The following CFAP221 variants were observed in gnomAD, a reference collection of about 807,000 sequenced individuals.
CFAP221 encodes the protein cilia and flagella associated protein 221, also known as cilia- and flagella-associated protein 221.
Under a neutral mutation model 113.1 loss-of-function variants are expected in CFAP221, and 97 were observed. The ratio of observed to expected loss-of-function variants is 0.86; its 90% CI spans 0.73 to 1.02. CFAP221 has a LOEUF of 1.02. Among genes scored for constraint, CFAP221 ranks in the 50% least tolerant of loss-of-function variants. The pLI, the probability that CFAP221 is intolerant of heterozygous loss-of-function variation, is 0.00. For synonymous variants in CFAP221, 331 were observed against 354.4 expected, an observed-to-expected ratio of 0.93 and a Z score of 0.74; for missense variants, 1,025 against 1,013.4, an observed-to-expected ratio of 1.01 and a Z score of -0.16.
intron 12 of CFAP221, among the ~76,000 whole-genome samples, chr2:119,611,172 T>C (rs1685131129): frequency 1.3e-5 from 2 of 152,186 alleles, no homozygotes; most frequent in African/African-American, 4.8e-5. Context: ...CTTAAAACTT[T>C]ACAGGGATGT....
intron 14 of CFAP221, among the ~76,000 whole-genome samples, chr2:119,620,619 A>G (rs888590198): frequency 6.6e-6 from 1 of 152,240 alleles, no homozygotes; most frequent in Non-Finnish European, 1.5e-5. Flanking sequence ...AAAATCCGGT[A>G]ACAGCCACTG....
chr2:119,638,472 AG>A (rs1203399537), intron 20 of CFAP221, 55 bp downstream of exon 20: 1 of 1,598,790 alleles, frequency 6.3e-7, no homozygotes, highest in African/African-American at 1.3e-5. Context: ...AGGGAGGGGC[AG>A]GGGACAAGGA....
Position 119,559,680 on chromosome 2 carries a change from C to G in CFAP221, c.241-9C>G. 1.3e-6 allele frequency: 2 copies of G among 1,516,950 alleles called. No individual in the cohort carries two copies. Among genetic ancestry groups the G allele is most frequent in the Non-Finnish European group, 1.8e-6 (2 of 1,129,674 alleles). 94.0% of individuals were successfully genotyped at this position (1,516,950 alleles called of 1,614,324 possible). A position where few individuals can be genotyped will look rare whatever the true frequency, so the allele number is the denominator to read the frequency against. On this transcript the variant is annotated splice_polypyrimidine_tract_variant and intron_variant, in intron 3 of 23. Coordinates refer to ENST00000413369, the MANE Select transcript of CFAP221 (RefSeq NM_001271049.2). Reference sequence around the variant, plus strand: ...GTATTTCCTCTAAATACTTCTTTTTCTCTCCCAGCATCTGGTCAATGTTTC... The same window carrying G: ...GTATTTCCTCTAAATACTTCTTTTTGTCTCCCAGCATCTGGTCAATGTTTC...
At chr2:119,631,175 A>G (rs1488612540) in intron 19 of CFAP221, 2 of 834,248 alleles carry the variant, frequency 2.4e-6, no homozygotes, top group Non-Finnish European at 3.0e-6. Flanking sequence ...AGAAATTGAA[A>G]AAGAAATTAG....
At chr2:119,577,122 G>A (rs1004794325) in intron 6 of CFAP221, among the ~76,000 whole-genome samples, 3 of 152,236 alleles carry the variant, frequency 2.0e-5, no homozygotes, top group Non-Finnish European at 2.9e-5. Flanking sequence ...AGAATTGTGA[G>A]ATCAGGGGCC....
In CFAP221 at chr2:119,626,424, G is replaced by T. The variant is rs535870341; in HGVS notation, c.1516+736G>T. Among the ~76,000 whole-genome samples the T allele has an allele frequency of 5.3e-5, 8 of 152,180 alleles. No homozygotes were observed. The East Asian group carries it at 1.5e-3, about 29-fold the overall frequency. ...TACCTACCCACTTGATAATGAACAA[G>T]GTCCCCCAACCCCATACCAAGTTGT... On this transcript the variant is annotated intron_variant, in intron 15 of 23. Transcript: ENST00000413369.
intron 5 of CFAP221, 118 bp downstream of exon 5, chr2:119,560,144 T>C (rs1182711937): frequency 1.3e-6 from 1 of 792,010 alleles, no homozygotes; most frequent in Non-Finnish European, 2.0e-6. Flanking sequence ...CTTGGCCCAG[T>C]ACCGGGTGTT....
chr2:119,641,255 G>A (rs1687468951), intron 21 of CFAP221, among the ~76,000 whole-genome samples: 1 of 152,186 alleles, frequency 6.6e-6, no homozygotes, highest in Non-Finnish European at 1.5e-5. Flanking sequence ...TCCTTTGCCT[G>A]AAGATTAGCA....
intron 6 of CFAP221, among the ~76,000 whole-genome samples, chr2:119,569,408 G>A (rs191267914): frequency 3.5e-5 from 5 of 144,400 alleles, no homozygotes; most frequent in African/African-American, 5.3e-5. Flanking sequence ...GTGAGCCACC[G>A]CACCGGCCTT....
chr2:119,568,177 C>T (rs1452788047), intron 6 of CFAP221, among the ~76,000 whole-genome samples: 5 of 152,064 alleles, frequency 3.3e-5, no homozygotes, highest in African/African-American at 1.2e-4. Flanking sequence ...ACTATTTGAA[C>T]GTATAAGATA....
chr2:119,584,592 A>C (rs1683080256), intron 6 of CFAP221, among the ~76,000 whole-genome samples: 1 of 152,160 alleles, frequency 6.6e-6, no homozygotes, highest in South Asian at 2.1e-4. Flanking sequence ...GTCTCAAAAA[A>C]AAAAAAGAAG....
chr2:119,599,523 G>T (rs751733919), intron 7 of CFAP221, among the ~76,000 whole-genome samples: 1 of 152,114 alleles, frequency 6.6e-6, no homozygotes, highest in East Asian at 1.9e-4. Flanking sequence ...AATAATTTCC[G>T]GGAGTAGGAT....
At chr2:119,596,360 A>G (rs947402354) in intron 7 of CFAP221, among the ~76,000 whole-genome samples, 1 of 152,172 alleles carries the variant, frequency 6.6e-6, no homozygotes, top group Non-Finnish European at 1.5e-5. Flanking sequence ...CCTGCCCTCC[A>G]TGGGTGCTGT....
chr2:119,575,974 T>G (rs546339855), intron 6 of CFAP221, among the ~76,000 whole-genome samples: 3 of 152,160 alleles, frequency 2.0e-5, no homozygotes, highest in East Asian at 3.9e-4. Flanking sequence ...TTCTTCCTTT[T>G]CTTAAATTTC....
intron 15 of CFAP221, among the ~76,000 whole-genome samples, chr2:119,626,811 TC>T (rs1313234298): frequency 6.6e-6 from 1 of 151,716 alleles, no homozygotes; most frequent in African/African-American, 2.4e-5. Context: ...ATGCCTGTAG[TC>T]CCAGCTACTC....
intron 11 of CFAP221, among the ~76,000 whole-genome samples, chr2:119,607,323 A>G (rs1236008504): frequency 6.6e-6 from 1 of 152,110 alleles, no homozygotes; most frequent in African/African-American, 2.4e-5. Flanking sequence ...TTGTTTTTGA[A>G]GAGAGGTGTC....
At chr2:119,550,218 A>G (rs13007696) in intron 3 of CFAP221, among the ~76,000 whole-genome samples, 21,327 of 152,120 alleles carry the variant, frequency 0.14, 2,012 homozygotes, top group South Asian at 0.24. Flanking sequence ...AGATGTACGC[A>G]TTCTTAGAAG....
chr2:119,651,620 C>T (rs760336996), intron 22 of CFAP221, among the ~76,000 whole-genome samples: 2 of 152,074 alleles, frequency 1.3e-5, no homozygotes, highest in African/African-American at 4.8e-5. Flanking sequence ...GAACATATTC[C>T]GACTAATTTT....
intron 19 of CFAP221, among the ~76,000 whole-genome samples, chr2:119,637,307 TACC>T (rs1687180273): frequency 6.6e-6 from 1 of 152,144 alleles, no homozygotes; most frequent in Non-Finnish European, 1.5e-5. Flanking sequence ...CACCAACGCT[TACC>T]TCCTTTCCAG....
Sources: gnomAD v4.1 joint callset for allele counts (sites outside exome capture counted in the v4.1 genomes callset) on GRCh38, gnomAD v4.1.1 for gene constraint, MANE v1.5 for transcripts, NCBI Gene and HGNC (gene_info 2026-07-23, HGNC 2026-07-21) for gene names.